The following KLRD1 variants were observed in gnomAD, a reference collection of about 807,000 sequenced individuals.
KLRD1 encodes killer cell lectin like receptor D1, also known as natural killer cells antigen CD94.
KLRD1 carries 21 observed loss-of-function variants against 22.6 expected under a neutral mutation model. That is an observed-to-expected ratio of 0.93 (90% CI 0.66 to 1.34). KLRD1 has a LOEUF of 1.34. Among genes scored for constraint, KLRD1 ranks in the 40% most tolerant of loss-of-function variants. The pLI is 0.00. For synonymous variants in KLRD1, 59 were observed against 71.1 expected (o/e 0.83, Z 0.85); for missense variants, 183 against 208.6 (o/e 0.88, Z 0.76).
chr12:10,241,974 CT>C (rs1949245314), intron 1 of KLRD1, among the ~76,000 whole-genome samples: 1 of 150,764 alleles, frequency 6.6e-6, no homozygotes, highest in Admixed American at 6.6e-5. Flanking sequence ...ATCTGAGTTG[CT>C]GTATTCTTAT....
intron 1 of KLRD1, among the ~76,000 whole-genome samples, chr12:10,252,045 T>C (rs1260152443): frequency 2.0e-5 from 3 of 152,150 alleles, no homozygotes; most frequent in African/African-American, 4.8e-5. Context: ...ACATACCAGT[T>C]CCTCAGAGGA....
intron 1 of KLRD1, among the ~76,000 whole-genome samples, chr12:10,287,171 T>C (rs1949714982): frequency 6.6e-6 from 1 of 152,020 alleles, no homozygotes; most frequent in Non-Finnish European, 1.5e-5. Context: ...TTTTATTGTT[T>C]ATCTGTTTGT....
rs1215090427 is a variant in KLRD1 at position 10,319,178 on chromosome 12, C to T, written c.*4385C>T. 4 of 152,100 alleles carry T rather than the reference C, an allele frequency of 2.6e-5. No individual in the cohort carries two copies. The highest frequency in any genetic ancestry group is 7.2e-5 in the African/African-American group (3 of 41,416). The allele number at this position is 152,100 out of a possible 1,614,324, so 9.4% of individuals were successfully genotyped here. A position where few individuals can be genotyped will look rare whatever the true frequency, so the allele number is the denominator to read the frequency against. ...GGTGAGACAGATTTGGTCCACAGGC[C>T]ATAGTTTGCCAACATGTGCCCAAGT... On this transcript the variant is annotated 3_prime_UTR_variant, in exon 6 of 6. Transcript: ENST00000336164.
chr12:10,272,733 T>C (rs1949561268), intron 1 of KLRD1, among the ~76,000 whole-genome samples: 1 of 152,236 alleles, frequency 6.6e-6, no homozygotes, highest in South Asian at 2.1e-4. Context: ...AAGGCTAATA[T>C]GTAAACTATG....
chr12:10,319,734 T>C lies in KLRD1; in HGVS notation c.*4941T>C, dbSNP rs1950293081. 6.6e-6 allele frequency: 1 copy of C among 152,092 alleles called. No individual in the cohort carries two copies. Among genetic ancestry groups the C allele is most frequent in the Admixed American group, 6.6e-5 (1 of 15,254 alleles). The allele number at this position is 152,092 out of a possible 1,614,324, so 9.4% of individuals were successfully genotyped here. ...ATAGGCTCCAGTCTTAGTCAAGCCTTCAGATGATTACAGCCCCCAGCCAAC... is the reference window on the plus strand; with the variant it reads ...ATAGGCTCCAGTCTTAGTCAAGCCTCCAGATGATTACAGCCCCCAGCCAAC... On this transcript the variant is annotated 3_prime_UTR_variant, in exon 6 of 6. Coordinates refer to ENST00000336164, the MANE Select transcript of KLRD1 (RefSeq NM_002262.5).
At chr12:10,273,086 A>G (rs1394232895) in intron 1 of KLRD1, among the ~76,000 whole-genome samples, 1 of 152,212 alleles carries the variant, frequency 6.6e-6, no homozygotes, top group Non-Finnish European at 1.5e-5. Context: ...AATTATTCAC[A>G]GCTTTATCTA....
intron 1 of KLRD1, among the ~76,000 whole-genome samples, chr12:10,283,845 A>G (rs918350118): frequency 6.6e-6 from 1 of 152,126 alleles, no homozygotes; most frequent in Non-Finnish European, 1.5e-5. Context: ...TAGAACCATT[A>G]TATTTTGGGA....
chr12:10,282,919 A>C (rs1949659481), intron 1 of KLRD1, among the ~76,000 whole-genome samples: 1 of 152,236 alleles, frequency 6.6e-6, no homozygotes, highest in Non-Finnish European at 1.5e-5. Context: ...CTGAGCAGAA[A>C]TAGGTAGAAA....
chr12:10,314,900 A>C lies in KLRD1; in HGVS notation c.*107A>C, dbSNP rs1040735334. ...ATTGTCTACTTCTGGAGTCTATAAA[A>C]TGTTTTTAAACAGTGTCATATACAA... On this transcript the variant is annotated 3_prime_UTR_variant, in exon 6 of 6. Transcript: ENST00000336164. 1.4e-4 allele frequency: 161 copies of C among 1,114,722 alleles called. 1 individual carries two copies. The highest frequency in any genetic ancestry group is 2.2e-5 in the Non-Finnish European group (17 of 789,718). 69.1% of individuals were successfully genotyped at this position (1,114,722 alleles called of 1,614,324 possible). A position where few individuals can be genotyped will look rare whatever the true frequency, so the allele number is the denominator to read the frequency against.
At chr12:10,301,233 T>C (rs912044735), upstream of KLRD1, among the ~76,000 whole-genome samples, 12 of 152,244 alleles carry the variant, frequency 7.9e-5, no homozygotes, top group Non-Finnish European at 1.6e-4. Flanking sequence ...ATGTAGGCCT[T>C]GTCAGAAGAC....
At chr12:10,314,631 A>C in intron 5 of KLRD1, 42 bp from the exon 6 acceptor site, 3 of 1,496,106 alleles carry the variant, frequency 2.0e-6, no homozygotes, top group Middle Eastern at 2.1e-4. Context: ...GAACATTCTT[A>C]CTTCCTTTTT....
chr12:10,303,313 C>T (rs1949882895), upstream of KLRD1, among the ~76,000 whole-genome samples: 1 of 152,054 alleles, frequency 6.6e-6, no homozygotes, highest in Non-Finnish European at 1.5e-5. Flanking sequence ...AAATATGAAA[C>T]TCATTGAAGG....
chr12:10,282,093 T>C (rs1949649567), intron 1 of KLRD1, among the ~76,000 whole-genome samples: 1 of 152,212 alleles, frequency 6.6e-6, no homozygotes, highest in African/African-American at 2.4e-5. Flanking sequence ...TAAAGTACTC[T>C]GATCGTTATA....
At chr12:10,311,127 A>G (rs932518722) in intron 3 of KLRD1, among the ~76,000 whole-genome samples, 1 of 152,204 alleles carries the variant, frequency 6.6e-6, no homozygotes, top group African/African-American at 2.4e-5. Context: ...CTTCCTCAAA[A>G]AAAGGTTCTT....
Position 10,246,450 on chromosome 12 carries a change from A to C in KLRD1, c.-101+20217A>C, listed in dbSNP as rs540293137. ...AAGTGTGTATAACAGGTTCTTATAC[A>C]GTTCAGAATTATCCTCTTGCTTCAA... On this transcript the variant is annotated intron_variant, in intron 1 of 5. Transcript: ENST00000544747. Among the ~76,000 whole-genome samples the C allele has an allele frequency of 2.6e-4, 39 of 152,310 alleles. 1 individual carries two copies. Among genetic ancestry groups the C allele is most frequent in the African/African-American group, 9.1e-4 (38 of 41,548 alleles).
At chr12:10,241,705 C>T (rs1045052451) in intron 1 of KLRD1, among the ~76,000 whole-genome samples, 1 of 152,014 alleles carries the variant, frequency 6.6e-6, no homozygotes, top group African/African-American at 2.4e-5. Flanking sequence ...CAGTTAAGAT[C>T]AGGAGAAGGT....
In KLRD1 at chr12:10,246,996, G is replaced by A. The variant is rs138992111; in HGVS notation, c.-101+20763G>A. Among the ~76,000 whole-genome samples, 306 of 142,526 alleles carry A rather than the reference G, an allele frequency of 2.1e-3. 5 individuals carry two copies. The highest frequency in any genetic ancestry group is 0.016 in the Admixed American group (218 of 13,590). 93.5% of individuals were successfully genotyped at this position (142,526 alleles called of 152,430 possible). ...CACCCAGTCTGGAGTGCCGTGGCAC[G>A]ATCTCGGCTCACTGCAACCTCCGCC... On this transcript the variant is annotated intron_variant, in intron 1 of 5. Coordinates refer to the KLRD1 transcript ENST00000544747.
chr12:10,279,117 G>C (rs1949617791), intron 1 of KLRD1, among the ~76,000 whole-genome samples: 1 of 151,874 alleles, frequency 6.6e-6, no homozygotes, highest in South Asian at 2.1e-4. Context: ...CTACCCAACA[G>C]GTAGTTTTTT....
chr12:10,293,507 A>G (rs1949795951), intron 1 of KLRD1, among the ~76,000 whole-genome samples: 2 of 152,212 alleles, frequency 1.3e-5, no homozygotes, highest in South Asian at 2.1e-4. Context: ...TAACACTTAC[A>G]TTCATCAATT....
Sources: gnomAD v4.1 joint callset for allele counts (sites outside exome capture counted in the v4.1 genomes callset) on GRCh38, gnomAD v4.1.1 for gene constraint, MANE v1.5 for transcripts, NCBI Gene and HGNC (gene_info 2026-07-23, HGNC 2026-07-21) for gene names.